Variants in ZNF25 observed in about 807,000 individuals in gnomAD.
ZNF25 encodes the protein zinc finger protein 25.
Under a neutral mutation model 30.9 loss-of-function variants are expected in ZNF25, and 21 were observed. The ratio of observed to expected loss-of-function variants is 0.68; its 90% CI spans 0.48 to 0.98. The LOEUF (loss-of-function observed/expected upper bound fraction) is 0.98. Ranked by LOEUF, ZNF25 falls within the 50% of genes least tolerant of loss-of-function variation. The pLI is 0.00. For synonymous variants in ZNF25, 169 were observed against 181.3 expected (o/e 0.93, Z 0.55); for missense variants, 501 against 529.9 (o/e 0.95, Z 0.54).
At chr10:37,958,749 CA>C (rs554018008) in intron 2 of ZNF25, among the ~76,000 whole-genome samples, 186 of 143,208 alleles carry the variant, frequency 1.3e-3, no homozygotes, top group Admixed American at 1.7e-3. Context: ...AAGACTCTAT[CA>C]AAAAAAAAAA....
intron 4 of ZNF25, among the ~76,000 whole-genome samples, chr10:37,956,802 C>G (rs1590205865): frequency 6.6e-6 from 1 of 151,156 alleles, no homozygotes; most frequent in East Asian, 2.0e-4. Flanking sequence ...GTAATCCCAG[C>G]TACTCGGGAG....
Position 37,952,746 on chromosome 10 carries a change from G to A in ZNF25, c.752C>T (p.Thr251Ile), listed in dbSNP as rs2062239245. 1.2e-6 allele frequency: 2 copies of A among 1,613,142 alleles called. No individual in the cohort carries two copies. Among genetic ancestry groups the A allele is most frequent in the Non-Finnish European group, 1.7e-6 (2 of 1,179,800 alleles). The change falls in exon 6 of 6, where the codon ACA (threonine) becomes ATA (isoleucine). Residue 251 changes from threonine (T) to isoleucine (I), a missense_variant. Coordinates refer to ENST00000302609, the MANE Select transcript of ZNF25 (RefSeq NM_145011.4). ...CTCATAGGGTTTCTCCCCTGTGTGT[G>A]TTTTCTGATGTACCATGAGGTATGC... ...VKAYLMVHQK[T>I]HTGEKPYECK...
At chr10:37,956,613 G>C (rs556719307) in intron 4 of ZNF25, among the ~76,000 whole-genome samples, 1 of 151,960 alleles carries the variant, frequency 6.6e-6, no homozygotes, top group Non-Finnish European at 1.5e-5. Context: ...AAACTACAGG[G>C]CATTTATAAA....
chr10:37,963,812 T>G (rs1372036315), intron 2 of ZNF25, among the ~76,000 whole-genome samples: 2 of 152,088 alleles, frequency 1.3e-5, no homozygotes, highest in Non-Finnish European at 2.9e-5. Context: ...CTGTCTCTAC[T>G]AAAAATACAA....
Position 37,971,788 on chromosome 10 carries a change from C to G in ZNF25, c.-66G>C. ...GAGCAGAAATCATAAGGGACCTTAGCTGGCAGCCCCAGGAATCACCTGTGA... is the reference window on the plus strand; with the variant it reads ...GAGCAGAAATCATAAGGGACCTTAGGTGGCAGCCCCAGGAATCACCTGTGA... On this transcript the variant is annotated 5_prime_UTR_variant, in exon 2 of 6. Transcript: ENST00000302609. 1 of 1,610,870 alleles carries G rather than the reference C, an allele frequency of 6.2e-7. No individual in the cohort carries two copies. The highest frequency in any genetic ancestry group is 1.1e-5 in the South Asian group (1 of 91,010).
intron 4 of ZNF25, among the ~76,000 whole-genome samples, chr10:37,956,673 T>C (rs892343880): frequency 1.3e-5 from 2 of 151,974 alleles, no homozygotes; most frequent in African/African-American, 2.4e-5. Context: ...TCCTAGCACT[T>C]TGGGAGGCCG....
rs2062052130 is a variant in ZNF25, at chr10:37,949,818, G to A, written c.*2309C>T. Reference sequence around the variant, plus strand: ...CAGGGAAAACTGGCCATTGATTTGGGAGAAAACAAAGGAATACTGTGGGGC... The same window carrying A: ...CAGGGAAAACTGGCCATTGATTTGGAAGAAAACAAAGGAATACTGTGGGGC... On this transcript the variant is annotated 3_prime_UTR_variant, in exon 6 of 6. Transcript: ENST00000302609. 1 of 152,568 alleles carries A rather than the reference G, an allele frequency of 6.6e-6. No individual in the cohort carries two copies. Among genetic ancestry groups the A allele is most frequent in the Non-Finnish European group, 1.5e-5 (1 of 68,028 alleles). The allele number at this position is 152,568 out of a possible 1,614,324, so 9.5% of individuals were successfully genotyped here.
At position 37,971,872 on chromosome 10, in the gene ZNF25, C is replaced by T. The variant is rs1252411040; in HGVS notation, c.-85-65G>A. Reference sequence around the variant, plus strand: ...ACCTTTGAGAAAATGTCCCTTTGACCCATTAGAAAGCATAGTAAGGACCAT... The same window carrying T: ...ACCTTTGAGAAAATGTCCCTTTGACTCATTAGAAAGCATAGTAAGGACCAT... On this transcript the variant is annotated intron_variant, in intron 1 of 5. Coordinates refer to ENST00000302609, the MANE Select transcript of ZNF25 (RefSeq NM_145011.4). 4.6e-6 allele frequency: 5 copies of T among 1,079,848 alleles called. No individual in the cohort carries two copies. The East Asian group carries it at 1.0e-4, about 22-fold the overall frequency. 66.9% of individuals were successfully genotyped at this position (1,079,848 alleles called of 1,614,324 possible).
chr10:37,952,695 G>C lies in ZNF25; in HGVS notation c.803C>G (p.Ser268Cys). The change falls in exon 6 of 6, where the codon TCC becomes TGC. Residue 268 changes from serine (S) to cysteine (C), a missense_variant. Coordinates refer to ENST00000302609, the MANE Select transcript of ZNF25 (RefSeq NM_145011.4). ...ATGTACTGTGAGGTGTGACTTCTGG[G>C]AAAAGGCTTTCCCACACTCCTTACA... ...YECKECGKAF[S>C]QKSHLTVHQR... The C allele has an allele frequency of 2.5e-6, 4 of 1,607,544 alleles. No homozygotes were observed. The highest frequency in any genetic ancestry group is 3.4e-6 in the Non-Finnish European group (4 of 1,177,800).
At chr10:37,961,767 C>T (rs892773562) in intron 2 of ZNF25, among the ~76,000 whole-genome samples, 2 of 150,976 alleles carry the variant, frequency 1.3e-5, no homozygotes, top group African/African-American at 2.4e-5. Flanking sequence ...ATTAAAAATA[C>T]AAAATTAGCC....
Position 37,971,673 on chromosome 10 carries a change from A to ACG in ZNF25, c.15+34_15+35insCG, listed in dbSNP as rs58348455. ...CACACACACACACACACACACACAC[A>ACG]GTGAAACAAAGTTAGGGCTAAGTAA... is the stretch of plus-strand genomic sequence containing the variant. On this transcript the variant is annotated intron_variant, in intron 2 of 5. Coordinates refer to ENST00000302609, the MANE Select transcript of ZNF25 (RefSeq NM_145011.4). The ACG allele has an allele frequency of 2.5e-6, 4 of 1,610,382 alleles. No homozygotes were observed. The South Asian group carries it at 4.4e-5, about 18-fold the overall frequency.
chr10:37,952,353 T>C lies in ZNF25; in HGVS notation c.1145A>G (p.Asn382Ser), dbSNP rs1468025021. ...CTECGKSFAV[N>S]SVLRLHQRTH... ...CCTTTGATGTAATCTGAGGACTGAA[T>C]TCACAGCAAAAGATTTGCCACATTC... The change falls in exon 6 of 6, where the codon AAT becomes AGT. Residue 382 changes from asparagine (N) to serine (S), a missense_variant. Asn to Ser is a conservative substitution (Grantham distance 46). Transcript: ENST00000302609. The C allele has an allele frequency of 2.5e-6, 4 of 1,613,886 alleles. No individual in the cohort carries two copies. Among genetic ancestry groups the C allele is most frequent in the Non-Finnish European group, 3.4e-6 (4 of 1,179,928 alleles).
At chr10:37,959,074 T>C (rs774006190) in intron 2 of ZNF25, among the ~76,000 whole-genome samples, 4 of 152,080 alleles carry the variant, frequency 2.6e-5, no homozygotes, top group Admixed American at 1.3e-4. Context: ...TTTAACAAGT[T>C]TGTTTTTGTT....
intron 4 of ZNF25, among the ~76,000 whole-genome samples, chr10:37,955,148 C>CAT (rs920149898): frequency 6.9e-6 from 1 of 144,996 alleles, no homozygotes; most frequent in African/African-American, 2.6e-5. Context: ...AGTGAGACTC[C>CAT]ATATAAAAAA....
intron 4 of ZNF25, among the ~76,000 whole-genome samples, chr10:37,954,065 T>C (rs1270008144): frequency 1.3e-5 from 2 of 152,152 alleles, no homozygotes; most frequent in Non-Finnish European, 2.9e-5. Context: ...ATTCGAAGTG[T>C]TGCTGAACGG....
intron 3 of ZNF25, 82 bp downstream of exon 3, chr10:37,957,338 C>T (rs2062595897): frequency 1.3e-6 from 2 of 1,511,334 alleles, no homozygotes; most frequent in Non-Finnish European, 1.8e-6. Context: ...ATCATTCAAC[C>T]CTATAGGGAC....
chr10:37,972,301 C>T (rs1490530442), intron 1 of ZNF25, among the ~76,000 whole-genome samples: 1 of 152,174 alleles, frequency 6.6e-6, no homozygotes. Flanking sequence ...CAAGAACCTT[C>T]TTTTGATATA....
chr10:37,957,670 G>T (rs1159669910), intron 2 of ZNF25, 124 bp from the exon 3 acceptor site: 8 of 1,093,220 alleles, frequency 7.3e-6, no homozygotes, highest in Non-Finnish European at 1.0e-5. Context: ...TAGGATATTT[G>T]CCATGCTGTA....
intron 1 of ZNF25, among the ~76,000 whole-genome samples, chr10:37,975,076 C>T (rs72791790): frequency 1.0e-3 from 157 of 152,024 alleles, no homozygotes; most frequent in Non-Finnish European, 1.8e-3. Flanking sequence ...CATGAAGATA[C>T]GATGTAGAAT....
Sources: allele counts gnomAD v4.1 joint callset (sites outside exome capture counted in the v4.1 genomes callset), GRCh38; gene constraint gnomAD v4.1.1; transcripts MANE v1.5; gene names NCBI Gene and HGNC (gene_info 2026-07-23, HGNC 2026-07-21).